The following ZNF875 variants were observed in gnomAD, a reference collection of about 807,000 sequenced individuals.
ZNF875 encodes zinc finger protein 875, also known as HKR1, GLI-Kruppel zinc finger family member.
In ZNF875, 14 loss-of-function variants were observed where a neutral mutation model predicts 11.2. The observed-to-expected ratio is 1.26, with a 90% CI of 0.83 to 1.96. The LOEUF (loss-of-function observed/expected upper bound fraction) is 1.96. ZNF875 is among the 30% of genes most tolerant of loss of function. ZNF875 has a pLI of 0.00. For missense variants in ZNF875, 752 were observed against 760.4 expected, an observed-to-expected ratio of 0.99 and a Z score of 0.13; for synonymous variants, 301 against 281.1, an observed-to-expected ratio of 1.07 and a Z score of -0.71.
intron 4 of ZNF875, among the ~76,000 whole-genome samples, chr19:37,353,537 C>G (rs2038328321): frequency 6.6e-6 from 1 of 152,174 alleles, no homozygotes; most frequent in Non-Finnish European, 1.5e-5. Context: ...AATGTAGATA[C>G]AAGTTGCCAT....
At chr19:37,350,965 T>C (rs905048633) in intron 4 of ZNF875, among the ~76,000 whole-genome samples, 2 of 151,842 alleles carry the variant, frequency 1.3e-5, no homozygotes, top group African/African-American at 4.8e-5. Flanking sequence ...CCACCATGCC[T>C]GGCTAATTTT....
chr19:37,338,903 A>C (rs540059923), intron 2 of ZNF875, among the ~76,000 whole-genome samples: 1 of 152,346 alleles, frequency 6.6e-6, no homozygotes, highest in Admixed American at 6.5e-5. Flanking sequence ...AGACTATCTT[A>C]GGACATTAGG....
Position 37,363,031 on chromosome 19 carries a change from T to A in ZNF875, c.1179T>A (p.Pro393=). 1 of 1,614,080 alleles carries A rather than the reference T, an allele frequency of 6.2e-7. No individual in the cohort carries two copies. Among genetic ancestry groups the A allele is most frequent in the Non-Finnish European group, 8.5e-7 (1 of 1,180,002 alleles). ...RHKRTHSGEK[P]YICRECEQGF... ...AGAGGACACATTCAGGAGAGAAGCCTTACATTTGCAGGGAGTGTGAGCAAG... is the reference window on the plus strand; with the variant it reads ...AGAGGACACATTCAGGAGAGAAGCCATACATTTGCAGGGAGTGTGAGCAAG... Residue 393 remains proline (P), a synonymous_variant, in exon 5 of 5, where the codon CCT becomes CCA. Coordinates refer to ENST00000392153, the MANE Select transcript of ZNF875 (RefSeq NM_001353803.2).
chr19:37,337,126 C>G (rs866876662), intron 2 of ZNF875: 12 of 151,684 alleles, frequency 7.9e-5, no homozygotes, highest in African/African-American at 2.7e-4. Flanking sequence ...ACAATTTGAG[C>G]TGAACAACGT....
At chr19:37,349,779 T>C (rs909580716) in intron 4 of ZNF875, among the ~76,000 whole-genome samples, 1 of 151,820 alleles carries the variant, frequency 6.6e-6, no homozygotes, top group African/African-American at 2.4e-5. Flanking sequence ...CTCAGCCTCC[T>C]GAATAGCGGG....
chr19:37,345,156 T>A (rs1161724302), intron 2 of ZNF875: 1 of 175,574 alleles, frequency 5.7e-6, no homozygotes, highest in Non-Finnish European at 1.2e-5. Context: ...AAAAGCCCCA[T>A]CCCCTGGTTT....
At chr19:37,338,122 C>T (rs939059335) in intron 2 of ZNF875, among the ~76,000 whole-genome samples, 2 of 152,046 alleles carry the variant, frequency 1.3e-5, no homozygotes, top group South Asian at 2.1e-4. Context: ...ATTTTTTGTG[C>T]GTACTTTCTC....
chr19:37,327,485 G>A (rs1350919330), intron 4 of ZNF875, among the ~76,000 whole-genome samples: 2 of 151,782 alleles, frequency 1.3e-5, no homozygotes, highest in African/African-American at 2.4e-5. Flanking sequence ...TTCATATTCA[G>A]GGGCAGGCAT....
intron 2 of ZNF875, among the ~76,000 whole-genome samples, chr19:37,341,127 T>G (rs1020935716): frequency 1.3e-5 from 2 of 152,228 alleles, no homozygotes; most frequent in African/African-American, 4.8e-5. Flanking sequence ...TAGGAGTTTC[T>G]GACATCATGG....
intron 1 of ZNF875, among the ~76,000 whole-genome samples, chr19:37,319,470 A>G (rs779125419): frequency 2.0e-5 from 3 of 151,548 alleles, no homozygotes; most frequent in Non-Finnish European, 2.9e-5. Context: ...TGAGACACCT[A>G]TAGGCGGCAG....
chr19:37,319,487 A>G (rs917709228), intron 1 of ZNF875, among the ~76,000 whole-genome samples: 3 of 151,692 alleles, frequency 2.0e-5, no homozygotes, highest in African/African-American at 4.9e-5. Flanking sequence ...GCAGGTCTCT[A>G]TCTTCATGAA....
upstream of ZNF875, among the ~76,000 whole-genome samples, chr19:37,332,258 C>T (rs1027293365): frequency 4.0e-5 from 6 of 149,690 alleles, no homozygotes; most frequent in Non-Finnish European, 5.9e-5. Context: ...GCTGGTTCCC[C>T]GGGTCCCCTT....
intron 2 of ZNF875, among the ~76,000 whole-genome samples, chr19:37,343,650 C>T (rs927594537): frequency 3.3e-5 from 5 of 152,136 alleles, no homozygotes; most frequent in African/African-American, 1.2e-4. Flanking sequence ...AGGTTTCTTG[C>T]ACAGCGAGAA....
chr19:37,353,027 C>G (rs1039689388), intron 4 of ZNF875, among the ~76,000 whole-genome samples: 10 of 151,754 alleles, frequency 6.6e-5, no homozygotes, highest in Non-Finnish European at 7.4e-5. Context: ...GCGCACGCTA[C>G]TACGCCCAGC....
At chr19:37,338,533 C>T (rs190532609) in intron 2 of ZNF875, among the ~76,000 whole-genome samples, 1 of 152,286 alleles carries the variant, frequency 6.6e-6, no homozygotes, top group East Asian at 1.9e-4. Flanking sequence ...GTGCCACCTC[C>T]TTCATTCTCA....
chr19:37,338,480 T>G (rs1008188461), intron 2 of ZNF875, among the ~76,000 whole-genome samples: 3 of 152,158 alleles, frequency 2.0e-5, no homozygotes, highest in Non-Finnish European at 4.4e-5. Flanking sequence ...TTCTTTCTGA[T>G]TGGCTGGGAA....
chr19:37,353,909 T>C (rs1443791628), intron 4 of ZNF875, among the ~76,000 whole-genome samples: 4 of 152,134 alleles, frequency 2.6e-5, no homozygotes, highest in Non-Finnish European at 5.9e-5. Flanking sequence ...GCTCTCTAAG[T>C]TTTATTTTCT....
intron 4 of ZNF875, among the ~76,000 whole-genome samples, chr19:37,348,269 C>T (rs2037209615): frequency 6.6e-6 from 1 of 152,186 alleles, no homozygotes. Flanking sequence ...TAACTTATTA[C>T]ACAATACTTA....
intron 4 of ZNF875, among the ~76,000 whole-genome samples, chr19:37,356,934 C>T (rs567756085): frequency 1.4e-4 from 22 of 151,926 alleles, no homozygotes; most frequent in Middle Eastern, 3.4e-3. Flanking sequence ...TCCTAGTTTT[C>T]CTTTAGGAAT....
Sources: allele counts gnomAD v4.1 joint callset (sites outside exome capture counted in the v4.1 genomes callset), GRCh38; gene constraint gnomAD v4.1.1; transcripts MANE v1.5; gene names NCBI Gene and HGNC (gene_info 2026-07-23, HGNC 2026-07-21).